CPLANE1: variants seen among roughly 807,000 people sequenced by gnomAD.
CPLANE1 encodes the protein ciliogenesis and planar polarity effector complex subunit 1.
CPLANE1 carries 263 observed loss-of-function variants against 362.5 expected under a neutral mutation model. That is an observed-to-expected ratio of 0.73 (90% CI 0.66 to 0.80). CPLANE1 has a LOEUF of 0.80. Among genes scored for constraint, CPLANE1 ranks in the 30% least tolerant of loss-of-function variants. CPLANE1 has a pLI of 0.00. For synonymous variants in CPLANE1, 1,212 were observed against 1,302.6 expected, an observed-to-expected ratio of 0.93 and a Z score of 1.50; for missense variants, 3,461 against 3,793.4, an observed-to-expected ratio of 0.91 and a Z score of 2.30.
At chr5:37,090,554 C>T in the CPLANE1 span, among the ~76,000 whole-genome samples, 1 of 152,176 alleles carries the variant, frequency 6.6e-6, no homozygotes, top group Non-Finnish European at 1.5e-5. Flanking sequence ...TGCTGATAAA[C>T]TCCTTTATTT....
In CPLANE1 at chr5:37,230,950, T is replaced by C; in HGVS notation, c.1038A>G (p.Glu346=). Residue 346 remains glutamate (E), a synonymous_variant, in exon 9 of 53, where the codon GAA becomes GAG. Coordinates refer to ENST00000651892, the MANE Select transcript of CPLANE1 (RefSeq NM_001384732.1). ...GSLVLLTCQG[E]LLTLITFGCS... ...AACCAAATGTAATTAATGTTAGCAA[T>C]TCACCTTGGCAGGTCAATAAAACCA... is the stretch of plus-strand genomic sequence containing the variant. 1 of 1,550,882 alleles carries C rather than the reference T, an allele frequency of 6.4e-7. No individual in the cohort carries two copies. The highest frequency in any genetic ancestry group is 1.2e-5 in the South Asian group (1 of 83,822).
the CPLANE1 span, among the ~76,000 whole-genome samples, chr5:37,092,826 A>G: frequency 1.3e-5 from 2 of 152,224 alleles, no homozygotes; most frequent in Admixed American, 6.5e-5. Context: ...GCTGATTAGT[A>G]ACTGATTTGC....
intron 46 of CPLANE1, among the ~76,000 whole-genome samples, chr5:37,131,023 A>G (rs1044334164): frequency 2.0e-5 from 3 of 152,370 alleles, no homozygotes; most frequent in Admixed American, 2.0e-4. Flanking sequence ...ATAGAAGAAC[A>G]TACAGAAATA....
At chr5:37,206,990 C>G (rs980284000) in intron 16 of CPLANE1, among the ~76,000 whole-genome samples, 3 of 152,082 alleles carry the variant, frequency 2.0e-5, no homozygotes, top group Non-Finnish European at 4.4e-5. Context: ...TATTAAGTGT[C>G]AATATTAGTG....
the CPLANE1 span, among the ~76,000 whole-genome samples, chr5:37,081,441 G>C: frequency 1.3e-5 from 2 of 152,018 alleles, no homozygotes; most frequent in African/African-American, 4.8e-5. Context: ...TCCTTGTTCA[G>C]CCTCCGGAGT....
At position 37,170,208 on chromosome 5, in the gene CPLANE1, T is replaced by G; in HGVS notation, c.6295A>C (p.Asn2099His). Residue 2099 changes from asparagine (N) to histidine (H), a missense_variant, in exon 33 of 53, where the codon AAC (asparagine) becomes CAC (histidine). Physicochemically the swap from Asn to His is moderately conservative, Grantham distance 68. Coordinates refer to ENST00000651892, the MANE Select transcript of CPLANE1 (RefSeq NM_001384732.1). ...SVHLGESQES[N>H]LRGCGDVEDS... ...TCAACATCACCACATCCTCTTAGGT[T>G]TGATTCTTGGCTTTCCCCTAAATGC... The G allele has an allele frequency of 6.2e-7, 1 of 1,614,200 alleles. No individual in the cohort carries two copies. The highest frequency in any genetic ancestry group is 2.2e-5 in the East Asian group (1 of 44,884).
At chr5:37,130,533 C>A in intron 46 of CPLANE1, 1 of 213,392 alleles carries the variant, frequency 4.7e-6, no homozygotes, top group South Asian at 8.2e-5. Flanking sequence ...AGTTACTACT[C>A]ATCTTAAAAT....
intron 31 of CPLANE1, among the ~76,000 whole-genome samples, 178 bp from the exon 32 acceptor site, chr5:37,174,125 A>G (rs1367098999): frequency 6.6e-6 from 1 of 152,164 alleles, no homozygotes; most frequent in Non-Finnish European, 1.5e-5. Flanking sequence ...AGCCCCCCAG[A>G]CACATTCGTC....
At chr5:37,140,038 G>A (rs183944475) in intron 44 of CPLANE1, 12 of 941,852 alleles carry the variant, frequency 1.3e-5, no homozygotes, top group Admixed American at 6.2e-5. Flanking sequence ...ATTTAAATCC[G>A]AGAAGCAATT....
At chr5:37,137,079 T>C (rs1767947409) in intron 46 of CPLANE1, among the ~76,000 whole-genome samples, 1 of 152,198 alleles carries the variant, frequency 6.6e-6, no homozygotes, top group Admixed American at 6.5e-5. Context: ...GGTTTTTCTT[T>C]TATATTGCAC....
Position 37,206,202 on chromosome 5 carries a change from G to T in CPLANE1, c.3144C>A (p.Phe1048Leu). The change falls in exon 17 of 53, where the codon TTC becomes TTA. Residue 1048 changes from phenylalanine to leucine, a missense_variant. This residue lies in a region of CPLANE1 where 3,380 missense variants were observed against 3,666.1 expected (regional missense o/e 0.92). Coordinates refer to ENST00000651892, the MANE Select transcript of CPLANE1 (RefSeq NM_001384732.1). ...AATTGCCTAAAAATCCATACCTCAT[G>T]AAATTGCTATCACGTTTACAGAACA... ...FQLFCKRDSN[F>L]MRSKKKSLNL... 1 of 1,548,330 alleles carries T rather than the reference G, an allele frequency of 6.5e-7. No individual in the cohort carries two copies. The highest frequency in any genetic ancestry group is 8.7e-7 in the Non-Finnish European group (1 of 1,143,844).
chr5:37,219,357 A>G (rs1182162458), intron 15 of CPLANE1, among the ~76,000 whole-genome samples: 2 of 151,876 alleles, frequency 1.3e-5, no homozygotes, highest in African/African-American at 4.8e-5. Flanking sequence ...GTGAAACCCC[A>G]TCTCTACTAA....
At chr5:37,217,638 T>TAAAA (rs1438456858) in intron 15 of CPLANE1, among the ~76,000 whole-genome samples, 2 of 145,984 alleles carry the variant, frequency 1.4e-5, no homozygotes, top group African/African-American at 5.2e-5. Context: ...AATAAATAAA[T>TAAAA]AAAAATAAAG....
chr5:37,090,294 G>GC, the CPLANE1 span, among the ~76,000 whole-genome samples: 2 of 152,212 alleles, frequency 1.3e-5, no homozygotes, highest in South Asian at 2.1e-4. Context: ...AGGACAGATG[G>GC]CCCCCGGGCT....
In CPLANE1 at chr5:37,225,156, A is replaced by G. The variant is rs973484017; in HGVS notation, c.2292-416T>C. On this transcript the variant is annotated intron_variant, in intron 12 of 52. Coordinates refer to ENST00000651892, the MANE Select transcript of CPLANE1 (RefSeq NM_001384732.1). ...TCCATCACAGCTTACTGTAGCCTCA[A>G]CCTCCTGGGTTCAAGCAATCCTCCC... is the stretch of plus-strand genomic sequence containing the variant. Among the ~76,000 whole-genome samples the G allele has an allele frequency of 4.4e-4, 67 of 151,552 alleles. 1 individual carries two copies. Among genetic ancestry groups the G allele is most frequent in the Admixed American group, 4.1e-3 (62 of 15,226 alleles).
At chr5:37,143,106 A>G (rs1270368773) in intron 43 of CPLANE1, among the ~76,000 whole-genome samples, 2 of 152,270 alleles carry the variant, frequency 1.3e-5, no homozygotes, top group African/African-American at 4.8e-5. Flanking sequence ...AATTTCTACC[A>G]TCAATAAAGT....
chr5:37,186,430 C>T, intron 23 of CPLANE1, 36 bp from the exon 24 acceptor site: 1 of 915,112 alleles, frequency 1.1e-6, no homozygotes, highest in Non-Finnish European at 1.8e-6. Flanking sequence ...TTATGAGAAA[C>T]ATCATTCTTT....
chr5:37,133,899 T>C (rs1408577351), intron 46 of CPLANE1, among the ~76,000 whole-genome samples: 1 of 152,212 alleles, frequency 6.6e-6, no homozygotes, highest in Non-Finnish European at 1.5e-5. Context: ...AGTAAGATGT[T>C]GGCTGTGGGT....
the CPLANE1 span, among the ~76,000 whole-genome samples, chr5:37,092,627 T>A: frequency 2.6e-5 from 4 of 152,334 alleles, no homozygotes; most frequent in East Asian, 7.7e-4. Flanking sequence ...TTTGTAGCCA[T>A]GTCCCATTCC....
Sources: gnomAD v4.1 joint callset for allele counts (sites outside exome capture counted in the v4.1 genomes callset) on GRCh38, gnomAD v4.1.1 for gene constraint, gnomAD v4.1.1 regional missense constraint, MANE v1.5 for transcripts, NCBI Gene and HGNC (gene_info 2026-07-23, HGNC 2026-07-21) for gene names.